The following PANX1 variants were observed in gnomAD, a reference collection of about 807,000 sequenced individuals.
The protein encoded by PANX1 is pannexin-1.
PANX1 carries 30 observed loss-of-function variants against 38.7 expected under a neutral mutation model. That is an observed-to-expected ratio of 0.78 (90% CI 0.58 to 1.05). The LOEUF (loss-of-function observed/expected upper bound fraction) is 1.05, where lower values mean the gene tolerates loss of function less well. PANX1 is among the 50% of genes least tolerant of loss of function. The pLI, the probability that PANX1 is intolerant of heterozygous loss-of-function variation, is 0.00. For synonymous variants in PANX1, 230 were observed against 212.2 expected (o/e 1.08, Z -0.73); for missense variants, 551 against 517.2 (o/e 1.07, Z -0.63).
chr11:94,180,939 T>C lies in PANX1; in HGVS notation c.*70T>C. The C allele has an allele frequency of 1.1e-6, 1 of 884,884 alleles. No homozygotes were observed. Among genetic ancestry groups the C allele is most frequent in the African/African-American group, 1.6e-5 (1 of 60,656 alleles). The allele number at this position is 884,884 out of a possible 1,614,324, so 54.8% of individuals were successfully genotyped here. ...GGATTTAATTTGGCTAAAGCACCCC[T>C]GTTGGTTTCACAGCTGGTTTGCAAT... On this transcript the variant is annotated 3_prime_UTR_variant, in exon 5 of 5. Coordinates refer to ENST00000227638, the MANE Select transcript of PANX1 (RefSeq NM_015368.4).
At position 94,181,839 on chromosome 11, in the gene PANX1, GTTTATA is replaced by G. The variant is rs967410074; in HGVS notation, c.*975_*980del. ...CCAGAAAAACTTAGCGGTTTATTTT[GTTTATA>G]TTTAAGCACAGCTTTAAAAAATTCA... On this transcript the variant is annotated 3_prime_UTR_variant, in exon 5 of 5. Coordinates refer to ENST00000227638, the MANE Select transcript of PANX1 (RefSeq NM_015368.4). The G allele has an allele frequency of 9.2e-5, 14 of 152,120 alleles. No individual in the cohort carries two copies. Among genetic ancestry groups the G allele is most frequent in the African/African-American group, 2.2e-4 (9 of 41,426 alleles). 9.4% of individuals were successfully genotyped at this position (152,120 alleles called of 1,614,324 possible). A position where few individuals can be genotyped will look rare whatever the true frequency, so the allele number is the denominator to read the frequency against.
intron 2 of PANX1, among the ~76,000 whole-genome samples, chr11:94,165,758 A>G (rs925969027): frequency 1.3e-5 from 2 of 152,110 alleles, no homozygotes; most frequent in African/African-American, 4.8e-5. Flanking sequence ...TACACATACA[A>G]AATTAGCCAG....
chr11:94,154,304 G>A (rs1221339160), intron 2 of PANX1, among the ~76,000 whole-genome samples: 1 of 152,186 alleles, frequency 6.6e-6, no homozygotes, highest in East Asian at 1.9e-4. Context: ...TGTGCATGCA[G>A]GTGGCAGGGG....
rs1398346053 is a variant in PANX1, at chr11:94,181,299, G to T, written c.*430G>T. ...AATATGTCAGGGTATAATTTAACGT[G>T]AGTTTCTTATGTGCCCTTAAAGACT... On this transcript the variant is annotated 3_prime_UTR_variant, in exon 5 of 5. Coordinates refer to ENST00000227638, the MANE Select transcript of PANX1 (RefSeq NM_015368.4). The T allele has an allele frequency of 1.2e-5, 2 of 161,030 alleles. No individual in the cohort carries two copies. Among genetic ancestry groups the T allele is most frequent in the African/African-American group, 2.4e-5 (1 of 41,678 alleles). The allele number at this position is 161,030 out of a possible 1,614,324, so 10.0% of individuals were successfully genotyped here. A position where few individuals can be genotyped will look rare whatever the true frequency, so the allele number is the denominator to read the frequency against.
chr11:94,143,874 A>T (rs1298694962), intron 1 of PANX1, among the ~76,000 whole-genome samples: 1 of 151,838 alleles, frequency 6.6e-6, no homozygotes, highest in African/African-American at 2.4e-5. Flanking sequence ...TCAGACTCCC[A>T]TGTAGGTGGG....
At chr11:94,149,221 G>A (rs1946858377) in intron 1 of PANX1, among the ~76,000 whole-genome samples, 1 of 152,224 alleles carries the variant, frequency 6.6e-6, no homozygotes, top group African/African-American at 2.4e-5. Flanking sequence ...AGAATGGAGA[G>A]CCATCCCACT....
chr11:94,170,261 C>T (rs1200879093), intron 2 of PANX1, among the ~76,000 whole-genome samples: 1 of 151,618 alleles, frequency 6.6e-6, no homozygotes, highest in Middle Eastern at 3.2e-3. Flanking sequence ...TGTTTTCTGT[C>T]TCTCTGCATT....
At position 94,179,744 on chromosome 11, in the gene PANX1, T is replaced by A; in HGVS notation, c.688T>A (p.Tyr230Asn). Residue 230 changes from tyrosine (Y) to asparagine (N), a missense_variant, in exon 4 of 5, where the codon TAC becomes AAC. Tyr to Asn is a moderately radical substitution (Grantham distance 143). Transcript: ENST00000227638. The part of the protein sequence containing the change: ...TLIIILLACI[Y>N]LGYYFSLSSL... ...CATCATTATACTGTTAGCGTGTATC[T>A]ACCTGGGCTATTACTTCAGCCTCTC... The A allele has an allele frequency of 6.2e-7, 1 of 1,614,162 alleles. No homozygotes were observed. Among genetic ancestry groups the A allele is most frequent in the Non-Finnish European group, 8.5e-7 (1 of 1,180,008 alleles).
chr11:94,179,787 T>G lies in PANX1; in HGVS notation c.731T>G (p.Phe244Cys). ...YFSLSSLSDEFVCSIKSGILR... is the reference protein window; with the variant it reads ...YFSLSSLSDECVCSIKSGILR... Reference sequence around the variant, plus strand: ...AGCCTCTCCTCACTCTCAGACGAGTTTGTGTGCAGCATCAAATCAGGGATC... The same window carrying G: ...AGCCTCTCCTCACTCTCAGACGAGTGTGTGTGCAGCATCAAATCAGGGATC... Residue 244 changes from phenylalanine (F) to cysteine (C), a missense_variant, in exon 4 of 5, where the codon TTT becomes TGT. Coordinates refer to ENST00000227638, the MANE Select transcript of PANX1 (RefSeq NM_015368.4). 6.2e-7 allele frequency: 1 copy of G among 1,614,136 alleles called. No individual in the cohort carries two copies.
intron 1 of PANX1, among the ~76,000 whole-genome samples, chr11:94,136,811 T>C (rs976001388): frequency 1.3e-5 from 2 of 152,068 alleles, no homozygotes; most frequent in Non-Finnish European, 2.9e-5. Flanking sequence ...ATTAGGCAGC[T>C]CTCACATTGC....
At chr11:94,155,287 T>A (rs1946936271) in intron 2 of PANX1, among the ~76,000 whole-genome samples, 1 of 150,972 alleles carries the variant, frequency 6.6e-6, no homozygotes, top group Non-Finnish European at 1.5e-5. Context: ...GAGGTGGAAG[T>A]TGCAGTGAGC....
At chr11:94,164,735 T>A (rs1368934161) in intron 2 of PANX1, among the ~76,000 whole-genome samples, 1 of 152,218 alleles carries the variant, frequency 6.6e-6, no homozygotes, top group East Asian at 1.9e-4. Flanking sequence ...TATTTCTTTA[T>A]TTTTTGTCTA....
At chr11:94,165,883 A>G (rs187593860) in intron 2 of PANX1, among the ~76,000 whole-genome samples, 44 of 152,326 alleles carry the variant, frequency 2.9e-4, no homozygotes, top group African/African-American at 1.0e-3. Context: ...ATTGCACTCC[A>G]GCCTGGGCAA....
At chr11:94,157,235 A>G (rs1946961366) in intron 2 of PANX1, among the ~76,000 whole-genome samples, 1 of 152,176 alleles carries the variant, frequency 6.6e-6, no homozygotes, top group African/African-American at 2.4e-5. Context: ...TCCTTTGGGT[A>G]TATACCTAGT....
rs1329735132 is a variant in PANX1, at chr11:94,154,547, A to G, written c.321+917A>G. On this transcript the variant is annotated intron_variant, in intron 2 of 4. Transcript: ENST00000227638. ...ATAGAATTTTAGCTTTCGAAAACCC[A>G]AAAGCCAAAGTTTGACTCTCTTCTG... is the stretch of plus-strand genomic sequence containing the variant. Among the ~76,000 whole-genome samples, 4 of 152,184 alleles carry G rather than the reference A, an allele frequency of 2.6e-5. No individual in the cohort carries two copies. The East Asian group carries it at 7.7e-4, about 29-fold the overall frequency.
At chr11:94,138,547 C>T (rs1200807620) in intron 1 of PANX1, among the ~76,000 whole-genome samples, 1 of 151,858 alleles carries the variant, frequency 6.6e-6, no homozygotes, top group East Asian at 1.9e-4. Context: ...GGTATATATT[C>T]ATGGGGTATG....
Position 94,141,148 on chromosome 11 carries a change from G to A in PANX1, c.181+11655G>A, listed in dbSNP as rs150791642. On this transcript the variant is annotated intron_variant, in intron 1 of 4. Coordinates refer to ENST00000227638, the MANE Select transcript of PANX1 (RefSeq NM_015368.4). ...TCAGGGTTTCCAGACCACATTTTGA[G>A]AACCGTTGTTCTAGTGGGGTTTGAA... Among the ~76,000 whole-genome samples, 479 of 152,252 alleles carry A rather than the reference G, an allele frequency of 3.1e-3. 2 individuals are homozygous for A. The highest frequency in any genetic ancestry group is 6.8e-3 in the Middle Eastern group (2 of 294).
intron 2 of PANX1, among the ~76,000 whole-genome samples, chr11:94,154,368 C>T (rs1272055730): frequency 6.6e-6 from 1 of 152,182 alleles, no homozygotes; most frequent in African/African-American, 2.4e-5. Context: ...AGAATGTTCT[C>T]TGAGTTATGA....
intron 2 of PANX1, among the ~76,000 whole-genome samples, chr11:94,159,429 A>C (rs1321742303): frequency 6.6e-6 from 1 of 151,962 alleles, no homozygotes; most frequent in Non-Finnish European, 1.5e-5. Flanking sequence ...TCAATTTCAG[A>C]GCCTGTTATT....
Sources: gnomAD v4.1 joint callset for allele counts (sites outside exome capture counted in the v4.1 genomes callset) on GRCh38, gnomAD v4.1.1 for gene constraint, MANE v1.5 for transcripts, NCBI Gene and HGNC (gene_info 2026-07-23, HGNC 2026-07-21) for gene names.